The following FAM184A variants were observed in gnomAD, a reference collection of about 807,000 sequenced individuals.
The protein encoded by FAM184A is protein FAM184A.
A neutral mutation model predicts 143.8 loss-of-function variants in FAM184A; 99 were observed. That is an observed-to-expected ratio of 0.69 (90% confidence interval 0.58 to 0.81). FAM184A has a LOEUF of 0.81. Among genes scored for constraint, FAM184A ranks in the 40% least tolerant of loss-of-function variants. FAM184A has a pLI of 0.00. For missense variants in FAM184A, 1,217 were observed against 1,310.5 expected (o/e 0.93, Z 1.10); for synonymous variants, 427 against 446.4 (o/e 0.96, Z 0.55).
Position 119,047,370 on chromosome 6 carries a change from C to T in FAM184A, c.160-22557G>A, listed in dbSNP as rs924076956. Among the ~76,000 whole-genome samples, 38 of 152,192 alleles carry T rather than the reference C, an allele frequency of 2.5e-4. 1 individual carries two copies. Among genetic ancestry groups the T allele is most frequent in the Admixed American group, 3.3e-4 (5 of 15,288 alleles). On this transcript the variant is annotated intron_variant, in intron 1 of 17. Transcript: ENST00000338891. ...AAACTACTATATGATCCAGCAATCC[C>T]ACTGCTGGGTATGTACCCAAAAGAG...
At chr6:119,147,193 T>C (rs1582656341) in intron 1 of FAM184A, among the ~76,000 whole-genome samples, 1 of 151,644 alleles carries the variant, frequency 6.6e-6, no homozygotes, top group East Asian at 2.0e-4. Flanking sequence ...AAGTTCCTCA[T>C]CCAGTCATGA....
At position 118,979,674 on chromosome 6, in the gene FAM184A, G is replaced by GA. The variant is rs1278613547; in HGVS notation, c.2302-157dup. Among the ~76,000 whole-genome samples, 12 of 152,138 alleles carry GA rather than the reference G, an allele frequency of 7.9e-5. 1 individual carries two copies. Among genetic ancestry groups the GA allele is most frequent in the African/African-American group, 2.9e-4 (12 of 41,508 alleles). The stretch of plus-strand genomic sequence containing the variant: ...ACTAGACATAAGATAATCAACATTA[G>GA]AAAAAATAATTAGGGTCATTTCAGT... On this transcript the variant is annotated intron_variant, in intron 10 of 17. Transcript: ENST00000338891.
At chr6:119,064,537 C>T (rs1015157593) in intron 1 of FAM184A, among the ~76,000 whole-genome samples, 6 of 152,110 alleles carry the variant, frequency 3.9e-5, no homozygotes, top group African/African-American at 1.4e-4. Context: ...CTCATCTCCA[C>T]ACAAACACAC....
intron 1 of FAM184A, among the ~76,000 whole-genome samples, chr6:119,095,169 T>C (rs1775315820): frequency 6.6e-6 from 1 of 152,156 alleles, no homozygotes; most frequent in South Asian, 2.1e-4. Flanking sequence ...ACCCAGCAAA[T>C]GGTCTCCTTT....
intron 1 of FAM184A, among the ~76,000 whole-genome samples, chr6:119,098,881 G>A (rs190851363): frequency 2.6e-5 from 4 of 152,262 alleles, no homozygotes; most frequent in East Asian, 1.9e-4. Context: ...AGGCCGATGC[G>A]GGTGGATCAC....
At chr6:119,035,379 G>GA (rs1040264326) in intron 1 of FAM184A, among the ~76,000 whole-genome samples, 2 of 152,154 alleles carry the variant, frequency 1.3e-5, no homozygotes, top group African/African-American at 4.8e-5. Flanking sequence ...TTTTAAGACT[G>GA]ATGAACCAGA....
intron 1 of FAM184A, among the ~76,000 whole-genome samples, chr6:119,050,868 C>T (rs1786735401): frequency 6.6e-6 from 1 of 151,510 alleles, no homozygotes; most frequent in African/African-American, 2.4e-5. Flanking sequence ...GAGCTGGAGG[C>T]TATTACTATC....
chr6:119,114,732 G>C (rs1789015776), intron 1 of FAM184A, among the ~76,000 whole-genome samples: 4 of 152,078 alleles, frequency 2.6e-5, no homozygotes, highest in Admixed American at 2.6e-4. Flanking sequence ...TGTAGATATG[G>C]GGTTTCACCA....
rs1281001379 is a variant in FAM184A at position 118,962,241 on chromosome 6, A to G, written c.3139-278T>C. On this transcript the variant is annotated intron_variant, in intron 16 of 17. Coordinates refer to ENST00000338891, the MANE Select transcript of FAM184A (RefSeq NM_024581.6). Reference sequence around the variant, plus strand: ...ACGAGGAATGAGAGAGAAGGTAAAAAGAGTGCCAAGGGGTAAAGAATACCC... The same window carrying G: ...ACGAGGAATGAGAGAGAAGGTAAAAGGAGTGCCAAGGGGTAAAGAATACCC... 1.2e-5 allele frequency: 5 copies of G among 420,598 alleles called. No homozygotes were observed. The South Asian group carries it at 1.3e-4, about 11-fold the overall frequency. 26.1% of individuals were successfully genotyped at this position (420,598 alleles called of 1,614,324 possible). A position where few individuals can be genotyped will look rare whatever the true frequency, so the allele number is the denominator to read the frequency against.
chr6:118,969,807 C>A, intron 14 of FAM184A, among the ~76,000 whole-genome samples: 1 of 146,660 alleles, frequency 6.8e-6, no homozygotes, highest in Non-Finnish European at 1.5e-5. Flanking sequence ...TGCCCCCCAC[C>A]CCGTGACAGG....
chr6:119,043,460 T>C (rs952443012), intron 1 of FAM184A, among the ~76,000 whole-genome samples: 9 of 152,238 alleles, frequency 5.9e-5, no homozygotes, highest in Middle Eastern at 3.4e-3. Flanking sequence ...CCTCAGTGGG[T>C]AGTCACAAGA....
intron 7 of FAM184A, among the ~76,000 whole-genome samples, chr6:119,004,670 G>T (rs1297289544): frequency 6.6e-6 from 1 of 152,216 alleles, no homozygotes; most frequent in African/African-American, 2.4e-5. Context: ...TTGGTCTTAA[G>T]GAGCTTACGC....
At chr6:119,034,983 G>C (rs143427771) in intron 1 of FAM184A, among the ~76,000 whole-genome samples, 6 of 152,074 alleles carry the variant, frequency 3.9e-5, no homozygotes, top group Non-Finnish European at 7.4e-5. Context: ...AGGAGGGCTC[G>C]CCTGAGTAAT....
chr6:119,019,836 C>G, intron 4 of FAM184A, 142 bp downstream of exon 4: 1 of 700,096 alleles, frequency 1.4e-6, no homozygotes, highest in Non-Finnish European at 2.2e-6. Context: ...CCCATTTCCT[C>G]AAAATTAGAA....
At chr6:119,026,542 C>A (rs1461891210) in intron 1 of FAM184A, among the ~76,000 whole-genome samples, 2 of 152,098 alleles carry the variant, frequency 1.3e-5, no homozygotes, top group African/African-American at 2.4e-5. Context: ...CCAAAGAAAC[C>A]TGAAAAAATA....
At chr6:119,033,265 T>TG (rs1272644203) in intron 1 of FAM184A, among the ~76,000 whole-genome samples, 3 of 152,172 alleles carry the variant, frequency 2.0e-5, no homozygotes, top group Non-Finnish European at 4.4e-5. Context: ...TCGGAGGTGA[T>TG]GAAATTGCAC....
chr6:119,046,059 C>T (rs990285179), intron 1 of FAM184A, among the ~76,000 whole-genome samples: 5 of 152,070 alleles, frequency 3.3e-5, no homozygotes, highest in Non-Finnish European at 7.4e-5. Context: ...ACATTCCATC[C>T]TTTATCTTAT....
rs1784805134 is a variant in FAM184A, at chr6:119,002,881, G to A, written c.2088+18C>T. 1.9e-6 allele frequency: 3 copies of A among 1,595,440 alleles called. No homozygotes were observed. In the African/African-American group the frequency reaches 4.0e-5, roughly 21 times the overall value. ...GTCAAGGGAGATGAAACTTCATCAT[G>A]TACACATTATTAATTACCTGGTTTA... On this transcript the variant is annotated intron_variant, in intron 9 of 17. Transcript: ENST00000338891.
chr6:119,007,265 A>G (rs1232976861), intron 6 of FAM184A, among the ~76,000 whole-genome samples: 1 of 152,240 alleles, frequency 6.6e-6, no homozygotes, highest in Non-Finnish European at 1.5e-5. Flanking sequence ...TATAAAGTAA[A>G]AACCGCATTC....
Sources: gnomAD v4.1 joint callset for allele counts (sites outside exome capture counted in the v4.1 genomes callset) on GRCh38, gnomAD v4.1.1 for gene constraint, MANE v1.5 for transcripts, NCBI Gene and HGNC (gene_info 2026-07-23, HGNC 2026-07-21) for gene names.